Variants in SLC18B1 observed in about 807,000 individuals in gnomAD.
SLC18B1 encodes the protein MFS-type transporter SLC18B1.
Under a neutral mutation model 53.9 loss-of-function variants are expected in SLC18B1, and 62 were observed. That is an observed-to-expected ratio of 1.15 (90% CI 0.94 to 1.42). The LOEUF (loss-of-function observed/expected upper bound fraction) is 1.42, where lower values mean the gene tolerates loss of function less well. Ranked by LOEUF, SLC18B1 falls within the 40% of genes most tolerant of loss-of-function variation. The probability of loss-of-function intolerance (pLI) is 0.00; values close to 1 mark genes in which losing one functional copy is unlikely to be tolerated. For missense variants in SLC18B1, 598 were observed against 547.3 expected, an observed-to-expected ratio of 1.09 and a Z score of -0.93; for synonymous variants, 217 against 200.9, an observed-to-expected ratio of 1.08 and a Z score of -0.68.
intron 5 of SLC18B1, 104 bp from the exon 6 acceptor site, chr6:132,784,193 C>T (rs1474293105): frequency 3.3e-6 from 3 of 914,242 alleles, no homozygotes; most frequent in Non-Finnish European, 4.5e-6. Context: ...TTTACATACA[C>T]ACACTCCCAA....
At chr6:132,777,299 C>T (rs1042097225) in intron 7 of SLC18B1, among the ~76,000 whole-genome samples, 3 of 152,282 alleles carry the variant, frequency 2.0e-5, no homozygotes, top group African/African-American at 7.2e-5. Context: ...AGGGCCTATA[C>T]TACCTCCCAT....
chr6:132,786,733 C>G (rs781760695), intron 5 of SLC18B1, among the ~76,000 whole-genome samples: 1 of 151,856 alleles, frequency 6.6e-6, no homozygotes, highest in Non-Finnish European at 1.5e-5. Context: ...GGCGCCATAC[C>G]GACTATGATA....
intron 8 of SLC18B1, among the ~76,000 whole-genome samples, chr6:132,774,644 C>T (rs1360254863): frequency 1.3e-5 from 2 of 152,130 alleles, no homozygotes; most frequent in African/African-American, 4.8e-5. Flanking sequence ...CACGGCGGCT[C>T]ACACCTATAA....
Position 132,783,971 on chromosome 6 carries a change from A to G in SLC18B1, c.620T>C (p.Leu207Pro). The change falls in exon 6 of 14, where the codon CTG (leucine) becomes CCG (proline). Residue 207 changes from leucine (L) to proline (P), a missense_variant. By Grantham distance (98) the Leu-to-Pro change is moderately conservative (BLOSUM62 -3). Transcript: ENST00000275227. The part of the protein sequence containing the change: ...PFIVLGCVVL[L>P]MVPLNMYILP... ...AATATACATATTGAGTGGTACCATC[A>G]GCAAAACGACGCATCCCAGAACAAT... 1.2e-6 allele frequency: 2 copies of G among 1,607,356 alleles called. No homozygotes were observed. Among genetic ancestry groups the G allele is most frequent in the South Asian group, 1.1e-5 (1 of 89,862 alleles).
intron 5 of SLC18B1, among the ~76,000 whole-genome samples, chr6:132,784,952 G>C (rs1272631961): frequency 6.6e-6 from 1 of 151,832 alleles, no homozygotes; most frequent in Non-Finnish European, 1.5e-5. Context: ...TTCATTGTTG[G>C]TGTAACCAGT....
chr6:132,778,887 G>A (rs1423203155), intron 7 of SLC18B1, among the ~76,000 whole-genome samples: 1 of 152,202 alleles, frequency 6.6e-6, no homozygotes, highest in Non-Finnish European at 1.5e-5. Flanking sequence ...GGGGGGATCT[G>A]TTATAGAAGA....
chr6:132,779,957 G>A (rs1228186303), intron 6 of SLC18B1, among the ~76,000 whole-genome samples: 1 of 152,130 alleles, frequency 6.6e-6, no homozygotes, highest in Non-Finnish European at 1.5e-5. Flanking sequence ...TCACTCCCAT[G>A]AGAACAGTAT....
At chr6:132,787,322 C>A (rs1781401639) in intron 5 of SLC18B1, 112 bp downstream of exon 5, 2 of 1,068,628 alleles carry the variant, frequency 1.9e-6, no homozygotes, top group East Asian at 5.8e-5. Context: ...AACAATAATA[C>A]AGAGAGTAGA....
At chr6:132,798,094 A>G (rs958599946) in intron 1 of SLC18B1, among the ~76,000 whole-genome samples, 1 of 152,262 alleles carries the variant, frequency 6.6e-6, no homozygotes, top group Non-Finnish European at 1.5e-5. Context: ...TTAAAAAGAA[A>G]GGCAACAACA....
chr6:132,796,687 C>T (rs1267347240), intron 2 of SLC18B1, among the ~76,000 whole-genome samples: 2 of 152,080 alleles, frequency 1.3e-5, no homozygotes, highest in Non-Finnish European at 2.9e-5. Context: ...TCCTTTGTTT[C>T]AGTTGCAGAA....
rs1317893561 is a variant in SLC18B1, at chr6:132,769,974, A to G, written c.*296T>C. 1 of 229,096 alleles carries G rather than the reference A, an allele frequency of 4.4e-6. No individual in the cohort carries two copies. Among genetic ancestry groups the G allele is most frequent in the Non-Finnish European group, 8.5e-6 (1 of 117,930 alleles). The allele number at this position is 229,096 out of a possible 1,614,324, so 14.2% of individuals were successfully genotyped here. On this transcript the variant is annotated 3_prime_UTR_variant, in exon 14 of 14. Coordinates refer to ENST00000275227, the MANE Select transcript of SLC18B1 (RefSeq NM_052831.3). ...AGAACTAACTCGAGTTAATAACAACATCTTTAAGGACAAGTTTGGTCATTT... is the reference window on the plus strand; with the variant it reads ...AGAACTAACTCGAGTTAATAACAACGTCTTTAAGGACAAGTTTGGTCATTT...
intron 5 of SLC18B1, among the ~76,000 whole-genome samples, chr6:132,786,554 C>A (rs1423181539): frequency 3.1e-5 from 1 of 32,772 alleles, no homozygotes; most frequent in Admixed American, 5.0e-4. Flanking sequence ...ATCCCCCACT[C>A]CAAAAAAAAA....
At chr6:132,785,338 A>C (rs888487669) in intron 5 of SLC18B1, among the ~76,000 whole-genome samples, 1 of 152,230 alleles carries the variant, frequency 6.6e-6, no homozygotes, top group Non-Finnish European at 1.5e-5. Flanking sequence ...ATTTTGTACC[A>C]TATAAAATTA....
intron 1 of SLC18B1, among the ~76,000 whole-genome samples, chr6:132,797,443 C>A (rs1781723434): frequency 6.6e-6 from 1 of 152,078 alleles, no homozygotes; most frequent in Non-Finnish European, 1.5e-5. Flanking sequence ...ACTAAAAATA[C>A]AAAAAATTAG....
intron 8 of SLC18B1, 137 bp from the exon 9 acceptor site, chr6:132,774,450 A>C: frequency 1.7e-6 from 1 of 602,404 alleles, no homozygotes. Flanking sequence ...AAAACTTTAC[A>C]TTTAAAAGAA....
rs572320682 is a variant in SLC18B1, at chr6:132,792,367, AAAG to A, written c.184-2098_184-2096del. On this transcript the variant is annotated intron_variant, in intron 2 of 13. Coordinates refer to ENST00000275227, the MANE Select transcript of SLC18B1 (RefSeq NM_052831.3). ...AGGAAGGAAGGAAGGGAAAGAAAGA[AAAG>A]AAGGAAAGAAAGAGAAAGAAGGAAA... is the stretch of plus-strand genomic sequence containing the variant. Among the ~76,000 whole-genome samples, 23 of 139,232 alleles carry A rather than the reference AAAG, an allele frequency of 1.7e-4. 2 individuals carry two copies. Among genetic ancestry groups the A allele is most frequent in the African/African-American group, 6.9e-4 (22 of 31,722 alleles). The allele number at this position is 139,232 out of a possible 152,430, so 91.3% of individuals were successfully genotyped here. A position where few individuals can be genotyped will look rare whatever the true frequency, so the allele number is the denominator to read the frequency against.
intron 6 of SLC18B1, among the ~76,000 whole-genome samples, chr6:132,780,082 A>C: frequency 6.7e-6 from 1 of 148,828 alleles, no homozygotes; most frequent in East Asian, 2.0e-4. Context: ...ATCATATCAG[A>C]CATGAAAGCT....
At chr6:132,778,025 C>A (rs552046808) in intron 7 of SLC18B1, among the ~76,000 whole-genome samples, 5 of 152,164 alleles carry the variant, frequency 3.3e-5, no homozygotes, top group East Asian at 3.9e-4. Context: ...AGGCTTGGGG[C>A]AGTTTTACAG....
intron 5 of SLC18B1, among the ~76,000 whole-genome samples, chr6:132,786,841 T>C (rs1326944236): frequency 6.6e-6 from 1 of 152,110 alleles, no homozygotes; most frequent in African/African-American, 2.4e-5. Context: ...GAGAATCTGA[T>C]ATGTCACTAA....
Sources: gnomAD v4.1 joint callset for allele counts (sites outside exome capture counted in the v4.1 genomes callset) on GRCh38, gnomAD v4.1.1 for gene constraint, MANE v1.5 for transcripts, NCBI Gene and HGNC (gene_info 2026-07-23, HGNC 2026-07-21) for gene names.